RORC: variants seen among roughly 807,000 people sequenced by gnomAD.
The protein encoded by RORC is RAR related orphan receptor C.
In RORC, 13 loss-of-function variants were observed where a neutral mutation model predicts 64.5. The observed-to-expected ratio is 0.20, with a 90% confidence interval of 0.13 to 0.32. The LOEUF is 0.32. RORC is among the 10% of genes least tolerant of loss of function. RORC has a pLI of 1.00. For missense variants in RORC, 468 were observed against 669.5 expected (o/e 0.70, Z 3.32); for synonymous variants, 277 against 259.3 (o/e 1.07, Z -0.65).
intron 10 of RORC, among the ~76,000 whole-genome samples, chr1:151,809,742 G>C (rs922441344): frequency 1.3e-5 from 2 of 152,244 alleles, no homozygotes; most frequent in Non-Finnish European, 2.9e-5. Context: ...TGAGAGCACA[G>C]ACCGTGTAAG....
intron 2 of RORC, among the ~76,000 whole-genome samples, chr1:151,825,466 C>T (rs1025734953): frequency 4.6e-5 from 7 of 152,110 alleles, no homozygotes; most frequent in Non-Finnish European, 1.0e-4. Context: ...TGCTTCAGAG[C>T]ACAGCAACTG....
At chr1:151,822,696 C>G (rs1273897135) in intron 2 of RORC, among the ~76,000 whole-genome samples, 1 of 152,212 alleles carries the variant, frequency 6.6e-6, no homozygotes, top group Non-Finnish European at 1.5e-5. Flanking sequence ...CCCAGAGCAC[C>G]TTCACTGCTC....
At chr1:151,822,349 A>G (rs1652026745) in intron 2 of RORC, among the ~76,000 whole-genome samples, 1 of 152,188 alleles carries the variant, frequency 6.6e-6, no homozygotes, top group African/African-American at 2.4e-5. Context: ...CCTGGCGAAC[A>G]CTACCCCCAG....
In RORC at chr1:151,830,163, C is replaced by T. The variant is rs72692781; in HGVS notation, c.41-705G>A. Among the ~76,000 whole-genome samples, 21,374 of 151,822 alleles carry T rather than the reference C, an allele frequency of 0.14. 1,735 individuals are homozygous for T. The highest frequency in any genetic ancestry group is 0.23 in the Admixed American group (3,528 of 15,288). ...GAGGGGAGAGTTGCAAATACAGACC[C>T]CTCTCTGGCTTCCACGGGCCAGGCT... On this transcript the variant is annotated intron_variant, in intron 1 of 10. Transcript: ENST00000318247. The surrounding 1 kb of genome is among the most constrained non-coding windows in gnomAD (Gnocchi z 4.0).
rs1651674341 is a variant in RORC, at chr1:151,814,625, C to T, written c.882G>A (p.Arg294=). The T allele has an allele frequency of 1.2e-6, 2 of 1,612,606 alleles. No homozygotes were observed. The highest frequency in any genetic ancestry group is 1.7e-6 in the Non-Finnish European group (2 of 1,179,348). The part of the protein sequence containing the change: ...TCQLRLEDLL[R]QRSNIFSREE... ...CCCGGGAGAAGATGTTGGAGCGCTGCCGCAGCAGGTCCTCCAGCCGCAGCT... is the reference window on the plus strand; with the variant it reads ...CCCGGGAGAAGATGTTGGAGCGCTGTCGCAGCAGGTCCTCCAGCCGCAGCT... Residue 294 remains arginine, a synonymous_variant, in exon 6 of 11, where the codon CGG becomes CGA. Transcript: ENST00000318247.
At chr1:151,826,455 A>C (rs951801128) in intron 2 of RORC, among the ~76,000 whole-genome samples, 1 of 152,198 alleles carries the variant, frequency 6.6e-6, no homozygotes, top group Non-Finnish European at 1.5e-5. Flanking sequence ...GGTAAGTCAC[A>C]GGATGTCTGC....
rs200531029 is a variant in RORC, at chr1:151,807,623, T to C, written c.1406A>G (p.Lys469Arg). 4,244 of 1,614,110 alleles carry C rather than the reference T, an allele frequency of 2.6e-3. 77 individuals are homozygous for C. Among genetic ancestry groups the C allele is most frequent in the Non-Finnish European group, 7.3e-4 (862 of 1,179,992 alleles). The change falls in exon 11 of 11, where the codon AAG becomes AGG. Residue 469 changes from lysine to arginine, a missense_variant. Physicochemically the swap from Lys to Arg is conservative, Grantham distance 26. Around this residue, in one of 5 missense-constraint regions of RORC, gnomAD observed 93 missense variants for 116.6 expected, o/e 0.80. Coordinates refer to ENST00000318247, the MANE Select transcript of RORC (RefSeq NM_005060.4). This position sits in a 1 kb window ranked among gnomAD's most constrained non-coding sequence, Gnocchi z 5.0. ...GCTACACAGGCTCCGAAGCTTCCCCTTGGGTGGCAGCTGGATATGGGTTAA... is the reference window on the plus strand; with the variant it reads ...GCTACACAGGCTCCGAAGCTTCCCCCTGGGTGGCAGCTGGATATGGGTTAA... ...RQSILAKLPP[K>R]GKLRSLCSQH...
intron 1 of RORC, 114 bp from the exon 2 acceptor site, chr1:151,829,572 C>T: frequency 9.7e-7 from 1 of 1,026,570 alleles, no homozygotes; most frequent in East Asian, 2.9e-5. Flanking sequence ...AGCCTGGCGT[C>T]TGAAGGGCAG....
chr1:151,815,313 AG>A lies in RORC; in HGVS notation c.410del (p.Pro137LeufsTer41). 6.2e-7 allele frequency: 1 copy of A among 1,607,682 alleles called. No individual in the cohort carries two copies. The highest frequency in any genetic ancestry group is 8.5e-7 in the Non-Finnish European group (1 of 1,176,106). Reference sequence around the variant, plus strand: ...TATCTGCTCCTTGGGCCCCTGCTGGAGGGGTCTTGACCACTGGTTCCTGTTG... The same window carrying A: ...TATCTGCTCCTTGGGCCCCTGCTGGAGGGTCTTGACCACTGGTTCCTGTTG... ...QQQQEPVVKTPPAGAQGADTL... is the reference protein window; with the variant it reads ...QQQQEPVVKTXPAGAQGADTL... On this transcript the variant is annotated frameshift_variant, in exon 5 of 11. Transcript: ENST00000318247. LOFTEE classifies it high-confidence loss of function.
chr1:151,813,095 G>A (rs751143670), intron 8 of RORC, 38 bp from the exon 9 acceptor site: 3 of 1,536,400 alleles, frequency 2.0e-6, no homozygotes, highest in Non-Finnish European at 2.7e-6. Context: ...GAGAGTGGCT[G>A]GAGCGATGGT....
At chr1:151,820,333 C>T (rs1651941209) in intron 2 of RORC, among the ~76,000 whole-genome samples, 1 of 152,100 alleles carries the variant, frequency 6.6e-6, no homozygotes, top group African/African-American at 2.4e-5. Context: ...TCAAAAGCTA[C>T]CCCTGGGAGA....
chr1:151,829,155 C>T (rs1470050965), intron 2 of RORC, among the ~76,000 whole-genome samples: 3 of 146,208 alleles, frequency 2.1e-5, no homozygotes, highest in Non-Finnish European at 4.5e-5. Flanking sequence ...TCCAGCATTT[C>T]TCCTCGCCTT....
intron 2 of RORC, among the ~76,000 whole-genome samples, chr1:151,822,295 A>C (rs1012418167): frequency 2.2e-4 from 31 of 141,896 alleles, no homozygotes; most frequent in African/African-American, 7.8e-4. Flanking sequence ...ACAGGGGAGC[A>C]GGAGCGGGAG....
At position 151,829,424 on chromosome 1, in the gene RORC, C is replaced by T. The variant is rs774152615; in HGVS notation, c.70+5G>A. The T allele has an allele frequency of 4.6e-6, 7 of 1,536,940 alleles. No individual in the cohort carries two copies. Among genetic ancestry groups the T allele is most frequent in the Non-Finnish European group, 6.1e-6 (7 of 1,149,798 alleles). On this transcript the variant is annotated splice_donor_5th_base_variant and intron_variant, in intron 2 of 10. Transcript: ENST00000318247. ...CCATTTTCTTGCCCCGGACCCCCTA[C>T]TCACAGGTGTGGGTCTTCTTTGCAG...
intron 2 of RORC, among the ~76,000 whole-genome samples, chr1:151,822,994 C>A (rs997504171): frequency 2.3e-4 from 35 of 152,122 alleles, no homozygotes; most frequent in African/African-American, 8.2e-4. Flanking sequence ...GGGGAGGAGC[C>A]CTTGGTAGGG....
chr1:151,827,974 G>A (rs1035495638), intron 2 of RORC, among the ~76,000 whole-genome samples: 3 of 101,262 alleles, frequency 3.0e-5, no homozygotes, highest in African/African-American at 1.2e-4. Context: ...CAGCTCACCC[G>A]CGTCACTCCC....
At position 151,810,641 on chromosome 1, in the gene RORC, C is replaced by A. The variant is rs1321258983; in HGVS notation, c.1395+684G>T. 2.0e-5 allele frequency among the ~76,000 whole-genome samples: 3 copies of A among 151,576 alleles called. No individual in the cohort carries two copies. In the East Asian group the frequency reaches 5.8e-4, roughly 29 times the overall value. ...CTGCCTCCCGGTTTCAAGCGATTAT[C>A]CTGCCTCAGCCTCCCAAGTAGCTGG... On this transcript the variant is annotated intron_variant, in intron 10 of 10. Coordinates refer to ENST00000318247, the MANE Select transcript of RORC (RefSeq NM_005060.4).
intron 4 of RORC, 70 bp from the exon 5 acceptor site, chr1:151,815,495 T>G (rs1651723569): frequency 1.3e-6 from 2 of 1,488,452 alleles, no homozygotes. Flanking sequence ...TCAGGAGGCA[T>G]TTGGTCATTA....
At chr1:151,819,664 C>T (rs1287207207) in intron 2 of RORC, among the ~76,000 whole-genome samples, 1 of 152,172 alleles carries the variant, frequency 6.6e-6, no homozygotes, top group African/African-American at 2.4e-5. Context: ...CATCCGCGTG[C>T]GTGTGTGTGC....
Sources: allele counts gnomAD v4.1 joint callset (sites outside exome capture counted in the v4.1 genomes callset), GRCh38; gene constraint gnomAD v4.1.1; regional missense constraint gnomAD v4.1.1; non-coding constraint Gnocchi (gnomAD v3.1); transcripts MANE v1.5; gene names NCBI Gene and HGNC (gene_info 2026-07-23, HGNC 2026-07-21).